BAZ2A: variants seen among roughly 807,000 people sequenced by gnomAD.
BAZ2A encodes the protein bromodomain adjacent to zinc finger domain protein 2A.
BAZ2A carries 34 observed loss-of-function variants against 199.9 expected under a neutral mutation model. The ratio of observed to expected loss-of-function variants is 0.17; its 90% CI spans 0.13 to 0.23. The LOEUF (loss-of-function observed/expected upper bound fraction) is 0.23. Ranked by LOEUF, BAZ2A falls within the 10% of genes least tolerant of loss-of-function variation. The pLI is 1.00. For missense variants in BAZ2A, 2,002 were observed against 2,391.1 expected (o/e 0.84, Z 3.39); for synonymous variants, 857 against 883.9 (o/e 0.97, Z 0.54).
Position 56,601,282 on chromosome 12 carries a change from C to G in BAZ2A, c.4192G>C (p.Gly1398Arg). Residue 1398 changes from glycine to arginine, a missense_variant, in exon 21 of 29, where the codon GGG becomes CGG. Around this residue, in one of 6 missense-constraint regions of BAZ2A, gnomAD observed 1,081 missense variants for 1,274.7 expected, o/e 0.85. Coordinates refer to ENST00000549884, the MANE Select transcript of BAZ2A (RefSeq NM_001300905.2). ...DPGEMPQSPT[G>R]LGQPKRRGRP... Reference sequence around the variant, plus strand: ...CCTCTCCGTTTGGGCTGTCCCAGCCCTGTGGGACTCTGTGGCATTTCTCCA... The same window carrying G: ...CCTCTCCGTTTGGGCTGTCCCAGCCGTGTGGGACTCTGTGGCATTTCTCCA... 1 of 1,614,022 alleles carries G rather than the reference C, an allele frequency of 6.2e-7. No individual in the cohort carries two copies. Among genetic ancestry groups the G allele is most frequent in the Non-Finnish European group, 8.5e-7 (1 of 1,179,890 alleles).
chr12:56,611,690 C>T, intron 6 of BAZ2A, 57 bp from the exon 7 acceptor site: 8 of 1,551,382 alleles, frequency 5.2e-6, no homozygotes, highest in Non-Finnish European at 7.0e-6. Flanking sequence ...AAACAATAGG[C>T]CAATAGGGAA....
chr12:56,628,177 C>CAAA (rs57372528), intron 1 of BAZ2A, among the ~76,000 whole-genome samples: 335 of 28,148 alleles, frequency 0.012, 11 homozygotes, highest in African/African-American at 0.036. Context: ...AACTCCGTCT[C>CAAA]AAAAAAAAAA....
rs913788640 is a variant in BAZ2A, at chr12:56,625,891, A to C, written c.-3+4234T>G. On this transcript the variant is annotated intron_variant, in intron 1 of 28. Coordinates refer to ENST00000549884, the MANE Select transcript of BAZ2A (RefSeq NM_001300905.2). ...ACTCCGTCTCAAAAAAAAAAAAAAAAAAAAAACAACAACAAAAAACTTCTT... is the reference window on the plus strand; with the variant it reads ...ACTCCGTCTCAAAAAAAAAAAAAAACAAAAAACAACAACAAAAAACTTCTT... Among the ~76,000 whole-genome samples the C allele has an allele frequency of 7.9e-5, 12 of 151,584 alleles. No individual in the cohort carries two copies. The South Asian group carries it at 8.3e-4, about 11-fold the overall frequency.
chr12:56,616,086 TAG>T (rs1298820094), intron 2 of BAZ2A, among the ~76,000 whole-genome samples: 1 of 152,124 alleles, frequency 6.6e-6, no homozygotes, highest in Non-Finnish European at 1.5e-5. Flanking sequence ...GTATTTTCAG[TAG>T]AGACGGGGTT....
intron 7 of BAZ2A, 56 bp downstream of exon 7, chr12:56,611,517 A>C (rs1311612684): frequency 1.6e-5 from 25 of 1,532,852 alleles, no homozygotes; most frequent in Non-Finnish European, 2.3e-5. Flanking sequence ...CCTTCTTTCT[A>C]GAGTTGTGCA....
chr12:56,624,709 C>T (rs1951025935), intron 1 of BAZ2A, among the ~76,000 whole-genome samples: 1 of 151,030 alleles, frequency 6.6e-6, no homozygotes, highest in Non-Finnish European at 1.5e-5. Flanking sequence ...ACTTAAATAG[C>T]CATTCCTTGA....
In BAZ2A at chr12:56,636,314, A is replaced by G. The variant is rs1352709861; in HGVS notation, c.-129T>C. The G allele has an allele frequency of 1.2e-5, 17 of 1,428,234 alleles. No homozygotes were observed. The South Asian group carries it at 2.2e-4, about 18-fold the overall frequency. 88.5% of individuals were successfully genotyped at this position (1,428,234 alleles called of 1,614,324 possible). A position where few individuals can be genotyped will look rare whatever the true frequency, so the allele number is the denominator to read the frequency against. On this transcript the variant is annotated 5_prime_UTR_variant, in exon 1 of 30. Coordinates refer to the BAZ2A transcript ENST00000379441. Reference sequence around the variant, plus strand: ...GGGAACTAGCAAGAATCAAAAAGCCAGTGTATGCTTCCTGCGAACCACACA... The same window carrying G: ...GGGAACTAGCAAGAATCAAAAAGCCGGTGTATGCTTCCTGCGAACCACACA...
At chr12:56,637,867 C>T (rs946429299), upstream of BAZ2A, among the ~76,000 whole-genome samples, 2 of 152,046 alleles carry the variant, frequency 1.3e-5, no homozygotes, top group African/African-American at 2.4e-5. Context: ...ACAAGAGGTA[C>T]GGTTGTCCAT....
chr12:56,598,926 G>A lies in BAZ2A; in HGVS notation c.5488C>T (p.Arg1830Cys). ...VNPRLVSGYR[R>C]IIKNPMDFST... ...AAATCCATAGGATTTTTGATGATGC[G>A]CCGGTACCCACTCACCAAACGTGGG... Residue 1830 changes from arginine (R) to cysteine (C), a missense_variant, in exon 28 of 29, where the codon CGC becomes TGC. Arg to Cys is a radical substitution (Grantham distance 180). Coordinates refer to ENST00000549884, the MANE Select transcript of BAZ2A (RefSeq NM_001300905.2). The A allele has an allele frequency of 2.5e-6, 4 of 1,606,262 alleles. No individual in the cohort carries two copies. The highest frequency in any genetic ancestry group is 3.4e-6 in the Non-Finnish European group (4 of 1,176,434).
chr12:56,624,819 G>C (rs1318819527), intron 1 of BAZ2A, among the ~76,000 whole-genome samples: 3 of 152,164 alleles, frequency 2.0e-5, no homozygotes, highest in Non-Finnish European at 4.4e-5. Flanking sequence ...GTTCTCCGGA[G>C]GCTGAGGTGG....
At chr12:56,604,471 T>C (rs1441847329) in intron 15 of BAZ2A, 114 bp downstream of exon 15, 5 of 1,357,272 alleles carry the variant, frequency 3.7e-6, no homozygotes, top group African/African-American at 1.5e-5. Flanking sequence ...CATTCCAGCA[T>C]CTTCAGAACA....
At chr12:56,613,391 A>G (rs1473136005) in intron 4 of BAZ2A, among the ~76,000 whole-genome samples, 158 bp from the exon 5 acceptor site, 1 of 152,202 alleles carries the variant, frequency 6.6e-6, no homozygotes, top group Admixed American at 6.5e-5. Context: ...CTTCTCCCTG[A>G]AAGAGTAGTC....
intron 3 of BAZ2A, 188 bp downstream of exon 3, chr12:56,614,826 A>T: frequency 3.0e-6 from 2 of 662,194 alleles, no homozygotes; most frequent in East Asian, 2.8e-5. Context: ...TTGCACTCCC[A>T]CTCGCGAGCT....
At chr12:56,609,988 T>G in intron 9 of BAZ2A, 42 bp from the exon 10 acceptor site, 1 of 1,608,018 alleles carries the variant, frequency 6.2e-7, no homozygotes, top group Non-Finnish European at 8.5e-7. Flanking sequence ...AAGGAATCAG[T>G]GCAGGCCACG....
At chr12:56,620,287 T>C (rs1479798137) in intron 1 of BAZ2A, among the ~76,000 whole-genome samples, 1 of 151,996 alleles carries the variant, frequency 6.6e-6, no homozygotes, top group Non-Finnish European at 1.5e-5. Flanking sequence ...CTAAATTAAG[T>C]AGCAGACCTA....
In BAZ2A at chr12:56,604,805, T is replaced by C; in HGVS notation, c.2749-6A>G. On this transcript the variant is annotated splice_region_variant and splice_polypyrimidine_tract_variant and intron_variant, in intron 14 of 28. Transcript: ENST00000549884. ...TCCCCCAAGATCTTTAGGGACTGTGTGGAGGACAGCATAATGGGGGTGAGT... is the reference window on the plus strand; with the variant it reads ...TCCCCCAAGATCTTTAGGGACTGTGCGGAGGACAGCATAATGGGGGTGAGT... 6.2e-7 allele frequency: 1 copy of C among 1,612,532 alleles called. No individual in the cohort carries two copies. The highest frequency in any genetic ancestry group is 8.5e-7 in the Non-Finnish European group (1 of 1,179,426).
chr12:56,620,486 G>A (rs1208608018), intron 1 of BAZ2A, among the ~76,000 whole-genome samples: 2 of 151,822 alleles, frequency 1.3e-5, no homozygotes, highest in Non-Finnish European at 1.5e-5. Context: ...GGGTGACAGA[G>A]CGAAACCCTG....
chr12:56,637,770 CAAAA>C (rs537402652), upstream of BAZ2A, among the ~76,000 whole-genome samples: 2,122 of 123,252 alleles, frequency 0.017, 16 homozygotes, highest in Middle Eastern at 0.037. Flanking sequence ...GAATAGAGGC[CAAAA>C]AAAAAAAAAA....
chr12:56,630,166 C>T lies in BAZ2A; in HGVS notation c.-44G>A. On this transcript the variant is annotated 5_prime_UTR_variant, in exon 1 of 29. Coordinates refer to ENST00000549884, the MANE Select transcript of BAZ2A (RefSeq NM_001300905.2). ...CAGCCGGGCTCGGGGCTCGTCTCTCCCCGGGGTACAAGCGGTTCACATGGC... is the reference window on the plus strand; with the variant it reads ...CAGCCGGGCTCGGGGCTCGTCTCTCTCCGGGGTACAAGCGGTTCACATGGC... 1.0e-6 allele frequency: 1 copy of T among 985,618 alleles called. No homozygotes were observed. The highest frequency in any genetic ancestry group is 1.2e-6 in the Non-Finnish European group (1 of 830,052). The allele number at this position is 985,618 out of a possible 1,614,324, so 61.1% of individuals were successfully genotyped here. A position where few individuals can be genotyped will look rare whatever the true frequency, so the allele number is the denominator to read the frequency against.
Sources: gnomAD v4.1 joint callset for allele counts (sites outside exome capture counted in the v4.1 genomes callset) on GRCh38, gnomAD v4.1.1 for gene constraint, gnomAD v4.1.1 regional missense constraint, MANE v1.5 for transcripts, NCBI Gene and HGNC (gene_info 2026-07-23, HGNC 2026-07-21) for gene names.